NUF2: variants seen among roughly 807,000 people sequenced by gnomAD.
The protein encoded by NUF2 is kinetochore protein Nuf2.
A neutral mutation model predicts 61.8 loss-of-function variants in NUF2; 34 were observed. The observed-to-expected ratio is 0.55, with a 90% CI of 0.42 to 0.73. The LOEUF (loss-of-function observed/expected upper bound fraction) is 0.73. NUF2 is among the 30% of genes least tolerant of loss of function. NUF2 has a pLI of 0.00. For missense variants in NUF2, 445 were observed against 539.1 expected (o/e 0.83, Z 1.73); for synonymous variants, 172 against 181.6 (o/e 0.95, Z 0.42).
intron 11 of NUF2, among the ~76,000 whole-genome samples, chr1:163,346,778 C>G (rs75437975): frequency 2.5e-3 from 377 of 152,198 alleles, no homozygotes; most frequent in African/African-American, 8.8e-3. Flanking sequence ...TCACTTGAGT[C>G]AAGACTGCAG....
intron 3 of NUF2, 30 bp downstream of exon 3, chr1:163,327,592 GT>G (rs751714893): frequency 6.3e-5 from 85 of 1,351,126 alleles, no homozygotes; most frequent in Admixed American, 2.2e-4. Flanking sequence ...AAATTATGGG[GT>G]TTTTTTTGTT....
chr1:163,354,819 T>A (rs1348777157), intron 13 of NUF2, among the ~76,000 whole-genome samples: 3 of 152,094 alleles, frequency 2.0e-5, no homozygotes, highest in African/African-American at 7.2e-5. Context: ...CTATAAAAAT[T>A]GTTGTTTTAT....
In NUF2 at chr1:163,328,228, A is replaced by G. The variant is rs1022618972; in HGVS notation, c.199A>G (p.Met67Val). The change falls in exon 4 of 14, where the codon ATG becomes GTG. Residue 67 changes from methionine to valine, a missense_variant and splice_region_variant. Transcript: ENST00000271452. ...YGIRLEHFYMMPVNSEVMYPH... is the reference protein window; with the variant it reads ...YGIRLEHFYMVPVNSEVMYPH... ...CGATTTTGTGGTTTATTGCATTTAG[A>G]TGCCAGTGAACTCTGAAGTCATGTA... 2.5e-6 allele frequency: 4 copies of G among 1,599,972 alleles called. No individual in the cohort carries two copies. The highest frequency in any genetic ancestry group is 3.4e-5 in the Admixed American group (2 of 58,348).
At chr1:163,341,286 T>C (rs1030737992) in intron 9 of NUF2, among the ~76,000 whole-genome samples, 5 of 152,144 alleles carry the variant, frequency 3.3e-5, no homozygotes, top group Admixed American at 6.5e-5. Context: ...CTTGGCTCAC[T>C]GCAACCTCCA....
chr1:163,322,833 A>C (rs757461523), intron 1 of NUF2: 3 of 152,234 alleles, frequency 2.0e-5, no homozygotes, highest in Non-Finnish European at 2.9e-5. Context: ...TACTGCATAT[A>C]TATTAAGTCA....
In NUF2 at chr1:163,328,859, C is replaced by A. The variant is rs767124004; in HGVS notation, c.289C>A (p.Pro97Thr). The part of the protein sequence containing the change: ...NLVTHLDSFL[P>T]ICRVNDFETA... ...TTCATCTTCAAGGGACTCATTTTTGCCTATCTGCCGGGTGAATGACTTTGA... is the reference window on the plus strand; with the variant it reads ...TTCATCTTCAAGGGACTCATTTTTGACTATCTGCCGGGTGAATGACTTTGA... The change falls in exon 5 of 14, where the codon CCT (proline) becomes ACT (threonine). Residue 97 changes from proline to threonine, a missense_variant. By Grantham distance (38) the Pro-to-Thr change is conservative (BLOSUM62 -1). Transcript: ENST00000271452. 4 of 1,603,822 alleles carry A rather than the reference C, an allele frequency of 2.5e-6. No individual in the cohort carries two copies. In the South Asian group the frequency reaches 3.3e-5, roughly 13 times the overall value.
At chr1:163,323,914 G>A (rs1168677362) in intron 1 of NUF2, among the ~76,000 whole-genome samples, 1 of 152,076 alleles carries the variant, frequency 6.6e-6, no homozygotes, top group Non-Finnish European at 1.5e-5. Context: ...GGGAGAAGCC[G>A]CCTTGATGCA....
At position 163,343,727 on chromosome 1, in the gene NUF2, C is replaced by G; in HGVS notation, c.670-6C>G. On this transcript the variant is annotated splice_region_variant and splice_polypyrimidine_tract_variant and intron_variant, in intron 9 of 13. Transcript: ENST00000271452. Reference sequence around the variant, plus strand: ...TATCTAATATATAAAAATGTTTTCTCAACAGAATGAACTAAAATTGTCGGT... The same window carrying G: ...TATCTAATATATAAAAATGTTTTCTGAACAGAATGAACTAAAATTGTCGGT... 1 of 1,347,206 alleles carries G rather than the reference C, an allele frequency of 7.4e-7. No homozygotes were observed. Among genetic ancestry groups the G allele is most frequent in the Non-Finnish European group, 9.9e-7 (1 of 1,009,330 alleles). The allele number at this position is 1,347,206 out of a possible 1,614,324, so 83.5% of individuals were successfully genotyped here. A position where few individuals can be genotyped will look rare whatever the true frequency, so the allele number is the denominator to read the frequency against.
Position 163,328,291 on chromosome 1 carries a change from T to G in NUF2, c.262T>G (p.Leu88Val), listed in dbSNP as rs1164699401. ...LMEGFLPFSN[L>V]VTHLDSFLPI... ...GGAAGGCTTCTTACCATTCAGCAAT[T>G]TAGTTACTCATCTGTGAGTAAAGAG... The change falls in exon 4 of 14, where the codon TTA becomes GTA. Residue 88 changes from leucine (L) to valine (V), a missense_variant. Coordinates refer to ENST00000271452, the MANE Select transcript of NUF2 (RefSeq NM_145697.3). 1 of 1,599,718 alleles carries G rather than the reference T, an allele frequency of 6.3e-7. No homozygotes were observed. Among genetic ancestry groups the G allele is most frequent in the African/African-American group, 1.3e-5 (1 of 74,662 alleles).
At chr1:163,346,668 A>G (rs1651137665) in intron 11 of NUF2, among the ~76,000 whole-genome samples, 1 of 152,164 alleles carries the variant, frequency 6.6e-6, no homozygotes, top group Non-Finnish European at 1.5e-5. Context: ...AGCTTGAACA[A>G]CATAGCAAGA....
intron 13 of NUF2, among the ~76,000 whole-genome samples, chr1:163,349,994 G>A (rs771741958): frequency 6.6e-6 from 1 of 151,798 alleles, no homozygotes; most frequent in Non-Finnish European, 1.5e-5. Flanking sequence ...CTCTAGTATG[G>A]CAATTAGAAA....
chr1:163,338,155 A>G, intron 7 of NUF2, 62 bp downstream of exon 7: 1 of 1,220,570 alleles, frequency 8.2e-7, no homozygotes, highest in East Asian at 2.4e-5. Flanking sequence ...AATTGTAAGT[A>G]GTATTTTACA....
At chr1:163,331,936 T>C (rs1054852059) in intron 5 of NUF2, among the ~76,000 whole-genome samples, 1 of 152,026 alleles carries the variant, frequency 6.6e-6, no homozygotes, top group Non-Finnish European at 1.5e-5. Flanking sequence ...TTTGACTTAA[T>C]TGACTTTTCT....
At chr1:163,352,219 A>T (rs1366202276) in intron 13 of NUF2, among the ~76,000 whole-genome samples, 1 of 152,184 alleles carries the variant, frequency 6.6e-6, no homozygotes, top group Non-Finnish European at 1.5e-5. Context: ...GGTACTCTTC[A>T]TACATGTACA....
chr1:163,324,546 C>T (rs1329395435), intron 1 of NUF2, among the ~76,000 whole-genome samples: 3 of 152,118 alleles, frequency 2.0e-5, no homozygotes, highest in Admixed American at 6.5e-5. Context: ...AATAGATTGT[C>T]AGAATTGTGG....
Position 163,328,278 on chromosome 1 carries a change from A to G in NUF2, c.249A>G (p.Leu83=), listed in dbSNP as rs750380334. 8.7e-6 allele frequency: 14 copies of G among 1,607,038 alleles called. No individual in the cohort carries two copies. Among genetic ancestry groups the G allele is most frequent in the Non-Finnish European group, 1.2e-5 (14 of 1,175,802 alleles). The change falls in exon 4 of 14, where the codon TTA becomes TTG. Residue 83 remains leucine (L), a synonymous_variant. Coordinates refer to ENST00000271452, the MANE Select transcript of NUF2 (RefSeq NM_145697.3). ...VMYPHLMEGF[L]PFSNLVTHLD... ...ATCCACATTTAATGGAAGGCTTCTT[A>G]CCATTCAGCAATTTAGTTACTCATC...
At chr1:163,352,286 G>A (rs965817771) in intron 13 of NUF2, among the ~76,000 whole-genome samples, 1 of 152,166 alleles carries the variant, frequency 6.6e-6, no homozygotes, top group Non-Finnish European at 1.5e-5. Flanking sequence ...TAATTTTGTA[G>A]TAGTCATGGA....
chr1:163,345,477 T>A (rs1225357209), intron 10 of NUF2, among the ~76,000 whole-genome samples: 4 of 152,184 alleles, frequency 2.6e-5, no homozygotes, highest in Non-Finnish European at 5.9e-5. Flanking sequence ...TTGAAGATAC[T>A]TGGCAATTAA....
Position 163,343,829 on chromosome 1 carries a change from G to T in NUF2, c.766G>T (p.Glu256Ter). 6.9e-7 allele frequency: 1 copy of T among 1,458,298 alleles called. No individual in the cohort carries two copies. Among genetic ancestry groups the T allele is most frequent in the Non-Finnish European group, 9.1e-7 (1 of 1,101,098 alleles). 90.3% of individuals were successfully genotyped at this position (1,458,298 alleles called of 1,614,324 possible). The change falls in exon 10 of 14, where the codon GAA (glutamate) becomes TAA (stop). Residue 256 changes from glutamate to a stop codon, truncating the protein, a stop_gained. Transcript: ENST00000271452. LOFTEE classifies it high-confidence loss of function. Reference protein sequence around the residue: ...DSPEKLKNYKEKMKDTVQKLK... With the variant: ...DSPEKLKNYK ...TCCAGAGAAGTTAAAGAATTATAAA[G>T]AAAAAATGAAAGATACGGTCCAGAA...
Sources: gnomAD v4.1 joint callset for allele counts (sites outside exome capture counted in the v4.1 genomes callset) on GRCh38, gnomAD v4.1.1 for gene constraint, MANE v1.5 for transcripts, NCBI Gene and HGNC (gene_info 2026-07-23, HGNC 2026-07-21) for gene names.